RALGAPA1: variants seen among roughly 807,000 people sequenced by gnomAD.
The protein encoded by RALGAPA1 is ral GTPase-activating protein subunit alpha-1.
Under a neutral mutation model 269.6 loss-of-function variants are expected in RALGAPA1, and 52 were observed. The observed-to-expected ratio is 0.19, with a 90% CI of 0.15 to 0.24. RALGAPA1 has a LOEUF of 0.24. RALGAPA1 is among the 10% of genes least tolerant of loss of function. RALGAPA1 has a pLI of 1.00. For synonymous variants in RALGAPA1, 817 were observed against 1,008.3 expected, an observed-to-expected ratio of 0.81 and a Z score of 3.60; for missense variants, 1,917 against 3,013.9, an observed-to-expected ratio of 0.64 and a Z score of 8.52.
chr14:35,747,630 C>T (rs1289605977), intron 10 of RALGAPA1, among the ~76,000 whole-genome samples: 34 of 152,146 alleles, frequency 2.2e-4, no homozygotes, highest in Admixed American at 2.2e-3. Context: ...TGCAGTGTGG[C>T]ACTGAATAAA....
chr14:35,793,086 C>A (rs1357719060), intron 1 of RALGAPA1, among the ~76,000 whole-genome samples: 4 of 152,024 alleles, frequency 2.6e-5, no homozygotes, highest in Non-Finnish European at 5.9e-5. Flanking sequence ...ATTTCAAACT[C>A]CAGCTGCAGT....
chr14:35,567,969 T>C (rs557019150), intron 39 of RALGAPA1, among the ~76,000 whole-genome samples: 1 of 152,128 alleles, frequency 6.6e-6, no homozygotes, highest in South Asian at 2.1e-4. Context: ...GACATTAGGA[T>C]ATAGTGAACT....
intron 36 of RALGAPA1, among the ~76,000 whole-genome samples, chr14:35,601,320 T>C (rs1455521275): frequency 6.6e-6 from 1 of 152,202 alleles, no homozygotes; most frequent in East Asian, 1.9e-4. Context: ...TACCAACTGG[T>C]AGACATGAAA....
intron 16 of RALGAPA1, among the ~76,000 whole-genome samples, chr14:35,716,484 T>C (rs2068840171): frequency 2.0e-5 from 3 of 150,864 alleles, no homozygotes; most frequent in Non-Finnish European, 4.4e-5. Flanking sequence ...ACAGGTAAGA[T>C]CATCCTTCTA....
At chr14:35,612,115 T>G (rs1020235877) in intron 35 of RALGAPA1, among the ~76,000 whole-genome samples, 3 of 152,140 alleles carry the variant, frequency 2.0e-5, no homozygotes, top group African/African-American at 7.2e-5. Flanking sequence ...GGCTCATGCC[T>G]GTAATCCCAG....
At chr14:35,645,689 C>T (rs8007266) in intron 31 of RALGAPA1, among the ~76,000 whole-genome samples, 9,455 of 146,112 alleles carry the variant, frequency 0.065, 363 homozygotes, top group East Asian at 0.1. Flanking sequence ...GAGATCGCGC[C>T]GGGGCACTCC....
rs148188015 is a variant in RALGAPA1 at position 35,560,300 on chromosome 14, G to A, written c.7496+10317C>T. 3.3e-5 allele frequency among the ~76,000 whole-genome samples: 5 copies of A among 152,160 alleles called. No individual in the cohort carries two copies. In the East Asian group the frequency reaches 5.8e-4, roughly 18 times the overall value. ...TTGACCTACTTCTTGATCTTTATCT[G>A]CCACTGCTCTTCCCTTTATATCATC... On this transcript the variant is annotated intron_variant, in intron 39 of 41. Coordinates refer to ENST00000680220, the MANE Select transcript of RALGAPA1 (RefSeq NM_001346249.2).
At chr14:35,548,453 G>GA in intron 41 of RALGAPA1, 55 bp downstream of exon 41, 2 of 1,359,368 alleles carry the variant, frequency 1.5e-6, no homozygotes, top group Non-Finnish European at 2.0e-6. Context: ...TGCTAATTTT[G>GA]AAAAAAGGAA....
chr14:35,583,859 A>G (rs2139650723), intron 37 of RALGAPA1, among the ~76,000 whole-genome samples: 1 of 152,316 alleles, frequency 6.6e-6, no homozygotes. Context: ...TACCCTGTGA[A>G]ATTACCCTTC....
At chr14:35,564,106 T>C (rs2056504219) in intron 39 of RALGAPA1, among the ~76,000 whole-genome samples, 1 of 152,212 alleles carries the variant, frequency 6.6e-6, no homozygotes, top group Admixed American at 6.5e-5. Flanking sequence ...AACTCCCATG[T>C]AGCTACCATT....
chr14:35,554,504 G>A (rs2055383355), intron 39 of RALGAPA1, among the ~76,000 whole-genome samples: 1 of 150,276 alleles, frequency 6.7e-6, no homozygotes, highest in Non-Finnish European at 1.5e-5. Context: ...CCGCCACTAC[G>A]CCCGGCTAAT....
At chr14:35,789,855 A>G (rs1302981066) in intron 1 of RALGAPA1, among the ~76,000 whole-genome samples, 1 of 152,184 alleles carries the variant, frequency 6.6e-6, no homozygotes, top group African/African-American at 2.4e-5. Context: ...GAATCACAGG[A>G]GCATAAGTGA....
rs185564701 is a variant in RALGAPA1 at position 35,561,283 on chromosome 14, C to A, written c.7496+9334G>T. Among the ~76,000 whole-genome samples the A allele has an allele frequency of 1.3e-3, 186 of 148,246 alleles. 1 individual carries two copies. Among genetic ancestry groups the A allele is most frequent in the African/African-American group, 4.2e-3 (172 of 40,590 alleles). On this transcript the variant is annotated intron_variant, in intron 39 of 41. Transcript: ENST00000680220. ...TAACATCATCAACAGGCATATACTGCCATTTTTGAAAAGAATAGCTAAATA... is the reference window on the plus strand; with the variant it reads ...TAACATCATCAACAGGCATATACTGACATTTTTGAAAAGAATAGCTAAATA...
chr14:35,638,089 G>T (rs2061777412), intron 31 of RALGAPA1, among the ~76,000 whole-genome samples: 1 of 152,280 alleles, frequency 6.6e-6, no homozygotes, highest in South Asian at 2.1e-4. Context: ...CAGTCTGAAA[G>T]AAAAGAATGT....
In RALGAPA1 at chr14:35,627,598, C is replaced by T; in HGVS notation, c.6349G>A (p.Ala2117Thr). The T allele has an allele frequency of 6.3e-7, 1 of 1,577,172 alleles. No homozygotes were observed. The highest frequency in any genetic ancestry group is 8.6e-7 in the Non-Finnish European group (1 of 1,163,120). ...ACAGGAGGTGGGCCATACAGTATAG[C>T]AGAATCCCATGAATATTTTCCAGAG... is the stretch of plus-strand genomic sequence containing the variant. The part of the protein sequence containing the change: ...DLSGKYSWDS[A>T]ILYGPPPVSG... The change falls in exon 34 of 42, where the codon GCT (alanine) becomes ACT (threonine). Residue 2117 changes from alanine (A) to threonine (T), a missense_variant. Ala to Thr is a moderately conservative substitution (Grantham distance 58). Coordinates refer to ENST00000680220, the MANE Select transcript of RALGAPA1 (RefSeq NM_001346249.2).
rs144695934 is a variant in RALGAPA1, at chr14:35,562,893, C to T, written c.7496+7724G>A. ...AAAATTAGCTGGGCGTGGTGGCATGCACCTGTAGTCCCAGCGACTCGGGAG... is the reference window on the plus strand; with the variant it reads ...AAAATTAGCTGGGCGTGGTGGCATGTACCTGTAGTCCCAGCGACTCGGGAG... On this transcript the variant is annotated intron_variant, in intron 39 of 41. Transcript: ENST00000680220. 2.7e-3 allele frequency among the ~76,000 whole-genome samples: 414 copies of T among 151,778 alleles called. 6 individuals carry two copies. The highest frequency in any genetic ancestry group is 0.01 in the Middle Eastern group (3 of 294).
Position 35,686,629 on chromosome 14 carries a change from A to C in RALGAPA1, c.3990T>G (p.Leu1330=), listed in dbSNP as rs1347949975. ...CACTGCTGCCGCCAATATCACTATTAAGAGGAGGCAGTTTTTGGCTCATGT... is the reference window on the plus strand; with the variant it reads ...CACTGCTGCCGCCAATATCACTATTCAGAGGAGGCAGTTTTTGGCTCATGT... ...KEDMSQKLPP[L]NSDIGGSSAN... is the part of the protein sequence containing the mutation. Residue 1330 remains leucine, a synonymous_variant, in exon 19 of 42, where the codon CTT becomes CTG. Transcript: ENST00000680220. The C allele has an allele frequency of 6.2e-7, 1 of 1,602,434 alleles. No individual in the cohort carries two copies. Among genetic ancestry groups the C allele is most frequent in the African/African-American group, 1.3e-5 (1 of 74,762 alleles).
At chr14:35,780,893 A>G (rs1003228862) in intron 1 of RALGAPA1, among the ~76,000 whole-genome samples, 3 of 152,176 alleles carry the variant, frequency 2.0e-5, no homozygotes, top group African/African-American at 7.2e-5. Context: ...GCAGTTTACA[A>G]CCAGCCCGGG....
At chr14:35,702,367 A>G (rs908601220) in intron 16 of RALGAPA1, among the ~76,000 whole-genome samples, 2 of 152,212 alleles carry the variant, frequency 1.3e-5, no homozygotes, top group Non-Finnish European at 2.9e-5. Flanking sequence ...CTTTAAGAAC[A>G]ATCTGTAGGT....
Sources: gnomAD v4.1 joint callset for allele counts (sites outside exome capture counted in the v4.1 genomes callset) on GRCh38, gnomAD v4.1.1 for gene constraint, MANE v1.5 for transcripts, NCBI Gene and HGNC (gene_info 2026-07-23, HGNC 2026-07-21) for gene names.